The following DNAH7 variants were observed in gnomAD, a reference collection of about 807,000 sequenced individuals.
DNAH7 encodes axonemal beta dynein heavy chain 7.
In DNAH7, 397 loss-of-function variants were observed where a neutral mutation model predicts 444.6. That is an observed-to-expected ratio of 0.89 (90% CI 0.82 to 0.97). The LOEUF (loss-of-function observed/expected upper bound fraction) is 0.97. Among genes scored for constraint, DNAH7 ranks in the 50% least tolerant of loss-of-function variants. The pLI, the probability that DNAH7 is intolerant of heterozygous loss-of-function variation, is 0.00. For synonymous variants in DNAH7, 1,636 were observed against 1,624.4 expected (o/e 1.01, Z -0.17); for missense variants, 4,902 against 4,800.8 (o/e 1.02, Z -0.62).
At position 195,884,657 on chromosome 2, in the gene DNAH7, T is replaced by G; in HGVS notation, c.5691A>C (p.Gln1897His). ...NTFKLQSGTEQTSSKALTVPF... is the reference protein window; with the variant it reads ...NTFKLQSGTEHTSSKALTVPF... ...GGACAGTTAGTGCCTTTGAGGATGT[T>G]TGCTCAGTACCACTCTGTAATTTAA... The change falls in exon 35 of 65, where the codon CAA (glutamine) becomes CAC (histidine). Residue 1897 changes from glutamine to histidine, a missense_variant. Coordinates refer to ENST00000312428, the MANE Select transcript of DNAH7 (RefSeq NM_018897.3). 1 of 1,614,200 alleles carries G rather than the reference T, an allele frequency of 6.2e-7. No homozygotes were observed. Among genetic ancestry groups the G allele is most frequent in the Admixed American group, 1.7e-5 (1 of 60,030 alleles).
chr2:195,960,675 T>C lies in DNAH7; in HGVS notation c.2476A>G (p.Lys826Glu), dbSNP rs201191284. Residue 826 changes from lysine to glutamate, a missense_variant, in exon 18 of 65, where the codon AAA becomes GAA. Physicochemically the swap from Lys to Glu is moderately conservative, Grantham distance 56 (BLOSUM62 1). Coordinates refer to ENST00000312428, the MANE Select transcript of DNAH7 (RefSeq NM_018897.3). Reference protein sequence around the residue: ...DSPYALAMTKKVRSKVEDFKQ... With the variant: ...DSPYALAMTKEVRSKVEDFKQ... ...AAATCTTCCACCTTTGATCTTACTT[T>C]TTTTGTCATTGCCAATGCATATGGA... is the stretch of plus-strand genomic sequence containing the variant. 1 of 1,614,098 alleles carries C rather than the reference T, an allele frequency of 6.2e-7. No individual in the cohort carries two copies.
chr2:195,828,610 AT>A (rs35765183), intron 48 of DNAH7, among the ~76,000 whole-genome samples: 38,117 of 134,686 alleles, frequency 0.28, 5,406 homozygotes, highest in South Asian at 0.33. Flanking sequence ...ATATATATAT[AT>A]TTTTTTTTTT....
At chr2:195,929,192 G>T (rs1425294010) in intron 21 of DNAH7, among the ~76,000 whole-genome samples, 1 of 152,048 alleles carries the variant, frequency 6.6e-6, no homozygotes, top group Non-Finnish European at 1.5e-5. Context: ...TCTACAAGGA[G>T]AACTACAAAA....
chr2:196,055,012 C>G (rs1697716839), intron 2 of DNAH7, among the ~76,000 whole-genome samples: 1 of 152,142 alleles, frequency 6.6e-6, no homozygotes, highest in South Asian at 2.1e-4. Context: ...GGAACTAATA[C>G]AATGGGAAAA....
chr2:195,831,157 ATTGAT>A (rs1698049086), intron 48 of DNAH7, among the ~76,000 whole-genome samples: 1 of 152,174 alleles, frequency 6.6e-6, no homozygotes, highest in African/African-American at 2.4e-5. Flanking sequence ...TTCTCTACAA[ATTGAT>A]TTATCAGCAA....
intron 2 of DNAH7, among the ~76,000 whole-genome samples, chr2:196,053,604 T>C (rs1430407575): frequency 1.3e-5 from 2 of 152,154 alleles, no homozygotes; most frequent in African/African-American, 2.4e-5. Flanking sequence ...ACAGGAGACA[T>C]GGGCCTGGAT....
At chr2:195,820,784 T>C (rs1305135420) in intron 49 of DNAH7, among the ~76,000 whole-genome samples, 3 of 152,210 alleles carry the variant, frequency 2.0e-5, no homozygotes, top group Non-Finnish European at 4.4e-5. Context: ...ATTCGAATCA[T>C]AAAACATGTG....
At chr2:196,061,720 G>T (rs973506111) in intron 1 of DNAH7, among the ~76,000 whole-genome samples, 3 of 152,072 alleles carry the variant, frequency 2.0e-5, no homozygotes, top group African/African-American at 7.2e-5. Context: ...TCGGGGTGGA[G>T]AAAAAGAAAG....
chr2:195,913,986 T>C (rs1687516359), intron 24 of DNAH7, among the ~76,000 whole-genome samples: 1 of 152,148 alleles, frequency 6.6e-6, no homozygotes, highest in African/African-American at 2.4e-5. Flanking sequence ...AGTGCTGAGA[T>C]TACAGGCGCG....
chr2:195,869,646 GCAT>G (rs1654735735), intron 40 of DNAH7, among the ~76,000 whole-genome samples: 1 of 152,098 alleles, frequency 6.6e-6, no homozygotes, highest in Admixed American at 6.6e-5. Flanking sequence ...CTATTCCAGA[GCAT>G]CAATATCTGG....
chr2:196,007,095 T>C lies in DNAH7; in HGVS notation c.990-5237A>G, dbSNP rs562932670. ...TTTTAAAAAATGGACAAGTTGCTAC[T>C]AAAATGCATATAAAATACAAAGGAC... is the stretch of plus-strand genomic sequence containing the variant. On this transcript the variant is annotated intron_variant, in intron 10 of 64. Transcript: ENST00000312428. Among the ~76,000 whole-genome samples the C allele has an allele frequency of 7.9e-5, 12 of 152,250 alleles. No individual in the cohort carries two copies. In the South Asian group the frequency reaches 2.5e-3, roughly 32 times the overall value.
rs140426839 is a variant in DNAH7 at position 195,978,606 on chromosome 2, C to T, written c.1833+6026G>A. Among the ~76,000 whole-genome samples the T allele has an allele frequency of 9.3e-3, 1,415 of 152,138 alleles. 16 individuals carry two copies. Among genetic ancestry groups the T allele is most frequent in the African/African-American group, 0.032 (1,317 of 41,536 alleles). ...TAACATCAAAAGTAAATGGACTAAA[C>T]TCTCCAATCAAAAAACATAGCCTTG... On this transcript the variant is annotated intron_variant, in intron 15 of 64. Coordinates refer to ENST00000312428, the MANE Select transcript of DNAH7 (RefSeq NM_018897.3).
intron 35 of DNAH7, among the ~76,000 whole-genome samples, chr2:195,883,339 C>T (rs341950): frequency 0.071 from 10,855 of 151,846 alleles, 754 homozygotes; most frequent in African/African-American, 0.19. Context: ...CCCAGCTACT[C>T]GGAGAGGCTG....
intron 46 of DNAH7, among the ~76,000 whole-genome samples, chr2:195,851,203 C>T (rs541002277): frequency 3.3e-5 from 5 of 152,218 alleles, no homozygotes; most frequent in Non-Finnish European, 5.9e-5. Flanking sequence ...ATAAACTGCT[C>T]GCTGTTTTGA....
chr2:196,031,841 T>A (rs1042829133), intron 5 of DNAH7, among the ~76,000 whole-genome samples: 1 of 152,202 alleles, frequency 6.6e-6, no homozygotes, highest in South Asian at 2.1e-4. Context: ...TCTAGGAAGT[T>A]CCCAACTTTC....
At chr2:195,905,482 C>A (rs558465581) in intron 27 of DNAH7, 1 of 152,092 alleles carries the variant, frequency 6.6e-6, no homozygotes, top group Non-Finnish European at 1.5e-5. Flanking sequence ...CATATCAAGT[C>A]TTTTTGGTGG....
chr2:195,848,693 T>C (rs1699166358), intron 46 of DNAH7, among the ~76,000 whole-genome samples: 1 of 152,208 alleles, frequency 6.6e-6, no homozygotes, highest in African/African-American at 2.4e-5. Context: ...AGGCAGTTTA[T>C]ATATGGTAAA....
chr2:196,057,082 G>A lies in DNAH7; in HGVS notation c.78+972C>T, dbSNP rs534832337. Among the ~76,000 whole-genome samples, 7 of 152,142 alleles carry A rather than the reference G, an allele frequency of 4.6e-5. No individual in the cohort carries two copies. The South Asian group carries it at 6.2e-4, about 14-fold the overall frequency. Reference sequence around the variant, plus strand: ...AATCATTCTATGTCTTAATTACTGCGGAAGAACTTATAGCCAGGAACAAAC... The same window carrying A: ...AATCATTCTATGTCTTAATTACTGCAGAAGAACTTATAGCCAGGAACAAAC... On this transcript the variant is annotated intron_variant, in intron 2 of 64. Transcript: ENST00000312428.
intron 17 of DNAH7, among the ~76,000 whole-genome samples, chr2:195,961,201 A>T (rs1227714223): frequency 6.6e-6 from 1 of 152,190 alleles, no homozygotes; most frequent in Non-Finnish European, 1.5e-5. Flanking sequence ...GGGTAAATAA[A>T]ACTAATTAAC....
Sources: allele counts gnomAD v4.1 joint callset (sites outside exome capture counted in the v4.1 genomes callset), GRCh38; gene constraint gnomAD v4.1.1; transcripts MANE v1.5; gene names NCBI Gene and HGNC (gene_info 2026-07-23, HGNC 2026-07-21).